PCSK5: variants seen among roughly 807,000 people sequenced by gnomAD.
The protein encoded by PCSK5 is proprotein convertase subtilisin/kexin type 5.
PCSK5 carries 129 observed loss-of-function variants against 233.2 expected under a neutral mutation model. That is an observed-to-expected ratio of 0.55 (90% confidence interval 0.48 to 0.64). The LOEUF (loss-of-function observed/expected upper bound fraction) is 0.64, where lower values mean the gene tolerates loss of function less well. Among genes scored for constraint, PCSK5 ranks in the 30% least tolerant of loss-of-function variants. The pLI is 0.00. For missense variants in PCSK5, 2,076 were observed against 2,430.1 expected (o/e 0.85, Z 3.06); for synonymous variants, 825 against 879.2 (o/e 0.94, Z 1.09).
intron 7 of PCSK5, among the ~76,000 whole-genome samples, chr9:76,092,687 T>C (rs1271319645): frequency 6.6e-6 from 1 of 152,232 alleles, no homozygotes; most frequent in Admixed American, 6.5e-5. Flanking sequence ...GAGAACCAGT[T>C]TGCTCATCTG....
Position 76,279,120 on chromosome 9 carries a change from A to T in PCSK5, c.3143-13113A>T, listed in dbSNP as rs7852403. Among the ~76,000 whole-genome samples the T allele has an allele frequency of 3.9e-3, 501 of 129,154 alleles. 3 individuals are homozygous for T. Among genetic ancestry groups the T allele is most frequent in the Middle Eastern group, 0.02 (4 of 202 alleles). 84.7% of individuals were successfully genotyped at this position (129,154 alleles called of 152,430 possible). On this transcript the variant is annotated intron_variant, in intron 24 of 37. Transcript: ENST00000674117. Reference sequence around the variant, plus strand: ...ATGTTCCCCTTCCTGTGTCCATGTGATCTCATTGTTCAATTCCCACCTATG... The same window carrying T: ...ATGTTCCCCTTCCTGTGTCCATGTGTTCTCATTGTTCAATTCCCACCTATG...
intron 14 of PCSK5, among the ~76,000 whole-genome samples, chr9:76,177,298 A>T (rs1346354248): frequency 6.6e-6 from 1 of 152,162 alleles, no homozygotes; most frequent in Admixed American, 6.5e-5. Context: ...GTCTCAAAAA[A>T]AAAGAAAAGA....
At position 76,360,177 on chromosome 9, in the gene PCSK5, A is replaced by AAG. The variant is rs896582114; in HGVS notation, c.*1255_*1256insAG. Reference sequence around the variant, plus strand: ...AGAAATGGAGCACCAGAAAGCAAAAATGACATTTTCAGAGAATGATGATAA... The same window carrying AAG: ...AGAAATGGAGCACCAGAAAGCAAAAAAGTGACATTTTCAGAGAATGATGATAA... On this transcript the variant is annotated 3_prime_UTR_variant, in exon 38 of 38. Transcript: ENST00000674117. 1 of 152,222 alleles carries AAG rather than the reference A, an allele frequency of 6.6e-6. No homozygotes were observed. Among genetic ancestry groups the AAG allele is most frequent in the Non-Finnish European group, 1.5e-5 (1 of 68,054 alleles). 9.4% of individuals were successfully genotyped at this position (152,222 alleles called of 1,614,324 possible). A position where few individuals can be genotyped will look rare whatever the true frequency, so the allele number is the denominator to read the frequency against.
At chr9:76,242,025 G>A (rs1826446416) in intron 24 of PCSK5, among the ~76,000 whole-genome samples, 2 of 152,106 alleles carry the variant, frequency 1.3e-5, no homozygotes, top group South Asian at 4.2e-4. Flanking sequence ...AGTTACTAGG[G>A]GTAAGATTGT....
At chr9:76,167,696 C>T (rs1311462679) in intron 12 of PCSK5, among the ~76,000 whole-genome samples, 1 of 152,128 alleles carries the variant, frequency 6.6e-6, no homozygotes, top group Non-Finnish European at 1.5e-5. Flanking sequence ...GAACTAGTTA[C>T]TTTTATGTTT....
intron 6 of PCSK5, among the ~76,000 whole-genome samples, chr9:76,071,129 A>G (rs529696463): frequency 1.3e-5 from 2 of 152,342 alleles, no homozygotes; most frequent in South Asian, 4.1e-4. Flanking sequence ...AAGATTAATA[A>G]CTAAACATTG....
intron 1 of PCSK5, among the ~76,000 whole-genome samples, chr9:75,924,949 A>G (rs780583511): frequency 9.2e-5 from 14 of 152,146 alleles, no homozygotes; most frequent in Non-Finnish European, 1.9e-4. Flanking sequence ...TGTGTAGACT[A>G]GGGATAATGA....
rs1382467420 is a variant in PCSK5, at chr9:76,121,834, T to A, written c.1209-12275T>A. ...TATTGGTTTTTTTTTTTTTTTTTTT[T>A]TTTTTTTGAGACGGAGTCTCGCTCT... On this transcript the variant is annotated intron_variant, in intron 9 of 37. Transcript: ENST00000674117. 6.6e-4 allele frequency among the ~76,000 whole-genome samples: 22 copies of A among 33,582 alleles called. 1 individual carries two copies. Among genetic ancestry groups the A allele is most frequent in the Non-Finnish European group, 9.1e-4 (13 of 14,330 alleles). 22.0% of individuals were successfully genotyped at this position (33,582 alleles called of 152,430 possible). A position where few individuals can be genotyped will look rare whatever the true frequency, so the allele number is the denominator to read the frequency against.
At chr9:76,348,469 C>A (rs914852097) in intron 35 of PCSK5, among the ~76,000 whole-genome samples, 1 of 152,026 alleles carries the variant, frequency 6.6e-6, no homozygotes, top group Non-Finnish European at 1.5e-5. Flanking sequence ...GTAATCCCAG[C>A]TACTCAGGAG....
At chr9:75,953,504 G>T (rs1284303617) in intron 2 of PCSK5, among the ~76,000 whole-genome samples, 1 of 152,092 alleles carries the variant, frequency 6.6e-6, no homozygotes, top group Non-Finnish European at 1.5e-5. Flanking sequence ...TTTTGTTTTG[G>T]CCAGGAATCT....
At chr9:75,946,237 G>A (rs79826306) in intron 2 of PCSK5, among the ~76,000 whole-genome samples, 8 of 152,260 alleles carry the variant, frequency 5.3e-5, no homozygotes, top group East Asian at 1.9e-4. Context: ...TGATGTACAC[G>A]GTACTGTCTC....
chr9:76,354,116 T>C lies in PCSK5; in HGVS notation c.5151T>C (p.Pro1717=). 3 of 1,604,506 alleles carry C rather than the reference T, an allele frequency of 1.9e-6. No individual in the cohort carries two copies. The highest frequency in any genetic ancestry group is 2.6e-6 in the Non-Finnish European group (3 of 1,176,274). Residue 1717 remains proline, a synonymous_variant, in exon 37 of 38, where the codon CCT becomes CCC. Coordinates refer to ENST00000674117, the MANE Select transcript of PCSK5 (RefSeq NM_001372043.1). ...GGGCCAAGAACTGCACCTTGTGCCC[T>C]GCCAACCTGGTGCTGCACATGGACG... The part of the protein sequence containing the change: ...GPGAKNCTLC[P]ANLVLHMDDS...
chr9:76,023,269 T>C (rs1319445690), intron 3 of PCSK5, among the ~76,000 whole-genome samples: 1 of 152,174 alleles, frequency 6.6e-6, no homozygotes, highest in African/African-American at 2.4e-5. Context: ...TTCACTTGCT[T>C]TTCCCACATC....
chr9:76,348,408 C>T (rs951717191), intron 35 of PCSK5, among the ~76,000 whole-genome samples: 1 of 152,000 alleles, frequency 6.6e-6, no homozygotes, highest in Non-Finnish European at 1.5e-5. Flanking sequence ...AAGACTCTGT[C>T]TAAAAACAAA....
intron 3 of PCSK5, among the ~76,000 whole-genome samples, chr9:76,006,372 C>T (rs1231924268): frequency 6.6e-6 from 1 of 151,776 alleles, no homozygotes; most frequent in Admixed American, 6.6e-5. Flanking sequence ...TGGCCCATTC[C>T]TTGTTCTTTT....
At position 76,069,139 on chromosome 9, in the gene PCSK5, G is replaced by A. The variant is rs17061973; in HGVS notation, c.721+1096G>A. The stretch of plus-strand genomic sequence containing the variant: ...GTTTGTTAAGCAGTAATTAATTAGC[G>A]GGGAGCATCTGCTATTTATTAAGCA... On this transcript the variant is annotated intron_variant, in intron 6 of 37. Coordinates refer to ENST00000674117, the MANE Select transcript of PCSK5 (RefSeq NM_001372043.1). 8.7e-3 allele frequency among the ~76,000 whole-genome samples: 1,328 copies of A among 152,120 alleles called. 15 individuals carry two copies. Among genetic ancestry groups the A allele is most frequent in the African/African-American group, 0.03 (1,248 of 41,496 alleles).
intron 20 of PCSK5, among the ~76,000 whole-genome samples, chr9:76,197,071 G>T (rs1362771250): frequency 6.6e-6 from 1 of 152,182 alleles, no homozygotes; most frequent in African/African-American, 2.4e-5. Context: ...AAGAGAGCGG[G>T]AAGAACATTA....
chr9:76,102,084 C>T (rs1163019654), intron 8 of PCSK5, among the ~76,000 whole-genome samples: 1 of 152,166 alleles, frequency 6.6e-6, no homozygotes, highest in Non-Finnish European at 1.5e-5. Flanking sequence ...ATTTTAATGG[C>T]CTGAAGGAAC....
At chr9:76,079,358 C>T (rs1564013426) in intron 7 of PCSK5, among the ~76,000 whole-genome samples, 1 of 151,950 alleles carries the variant, frequency 6.6e-6, no homozygotes, top group Non-Finnish European at 1.5e-5. Context: ...GGGTTGGTCT[C>T]GAACTGCTGA....
Sources: gnomAD v4.1 joint callset for allele counts (sites outside exome capture counted in the v4.1 genomes callset) on GRCh38, gnomAD v4.1.1 for gene constraint, MANE v1.5 for transcripts, NCBI Gene and HGNC (gene_info 2026-07-23, HGNC 2026-07-21) for gene names.